C3orf70: variants seen among roughly 807,000 people sequenced by gnomAD.
C3orf70 encodes UPF0524 protein C3orf70.
A neutral mutation model predicts 20.7 loss-of-function variants in C3orf70; 15 were observed. That is an observed-to-expected ratio of 0.72 (90% CI 0.48 to 1.11). The LOEUF (loss-of-function observed/expected upper bound fraction) is 1.11, where lower values mean the gene tolerates loss of function less well. C3orf70 is among the 50% of genes most tolerant of loss of function. The probability of loss-of-function intolerance (pLI) is 0.00; values close to 1 mark genes in which losing one functional copy is unlikely to be tolerated. For synonymous variants in C3orf70, 161 were observed against 125.7 expected, an observed-to-expected ratio of 1.28 and a Z score of -1.88; for missense variants, 332 against 317.6, an observed-to-expected ratio of 1.05 and a Z score of -0.34.
At chr3:185,141,801 A>AAC (rs66562532) in intron 1 of C3orf70, among the ~76,000 whole-genome samples, 67,808 of 146,242 alleles carry the variant, frequency 0.46, 16,099 homozygotes, top group Non-Finnish European at 0.56. Flanking sequence ...ATGCAAAGGA[A>AAC]ACACACACAC....
chr3:185,084,118 G>A (rs1034882973), intron 1 of C3orf70, among the ~76,000 whole-genome samples: 2 of 152,104 alleles, frequency 1.3e-5, no homozygotes, highest in Non-Finnish European at 2.9e-5. Flanking sequence ...CAGAAGCGGA[G>A]GTTGCAGTGA....
intron 1 of C3orf70, among the ~76,000 whole-genome samples, chr3:185,130,519 G>C (rs1716504442): frequency 6.6e-6 from 1 of 152,112 alleles, no homozygotes; most frequent in South Asian, 2.1e-4. Context: ...AGTGGGTTTA[G>C]TATATTCACA....
intron 1 of C3orf70, among the ~76,000 whole-genome samples, chr3:185,109,450 C>A (rs541865036): frequency 6.6e-6 from 1 of 152,204 alleles, no homozygotes; most frequent in East Asian, 1.9e-4. Flanking sequence ...TCCCAAGGAC[C>A]CCCCGGTTGC....
chr3:185,127,393 T>C (rs1207922989), intron 1 of C3orf70, among the ~76,000 whole-genome samples: 1 of 152,200 alleles, frequency 6.6e-6, no homozygotes, highest in Non-Finnish European at 1.5e-5. Context: ...ATGGTATAGA[T>C]TAGCTTGAAG....
intron 1 of C3orf70, among the ~76,000 whole-genome samples, chr3:185,140,597 G>C (rs1168777471): frequency 6.6e-6 from 1 of 151,934 alleles, no homozygotes; most frequent in Non-Finnish European, 1.5e-5. Flanking sequence ...TGGGGCCTTT[G>C]GGAAGTAATA....
intron 1 of C3orf70, among the ~76,000 whole-genome samples, chr3:185,147,135 G>A (rs538550706): frequency 3.0e-4 from 45 of 152,250 alleles, no homozygotes; most frequent in Non-Finnish European, 5.1e-4. Context: ...TCTTTCTTTA[G>A]ATATGCTAAT....
At chr3:185,115,862 C>T (rs1337200601) in intron 1 of C3orf70, among the ~76,000 whole-genome samples, 2 of 152,190 alleles carry the variant, frequency 1.3e-5, no homozygotes, top group Admixed American at 6.5e-5. Context: ...TCCCTGGAGT[C>T]ACTTTCATAA....
rs1715347435 is a variant in C3orf70 at position 185,081,923 on chromosome 3, T to C, written c.*1084A>G. The C allele has an allele frequency of 6.5e-6, 1 of 152,676 alleles. No individual in the cohort carries two copies. The allele number at this position is 152,676 out of a possible 1,614,324, so 9.5% of individuals were successfully genotyped here. A position where few individuals can be genotyped will look rare whatever the true frequency, so the allele number is the denominator to read the frequency against. ...TTCATACAACCAAATGAAGCAGAATTAATCAAACCTATTAGATTCAGTCCT... is the reference window on the plus strand; with the variant it reads ...TTCATACAACCAAATGAAGCAGAATCAATCAAACCTATTAGATTCAGTCCT... On this transcript the variant is annotated 3_prime_UTR_variant, in exon 2 of 2. Coordinates refer to ENST00000335012, the MANE Select transcript of C3orf70 (RefSeq NM_001025266.3).
intron 1 of C3orf70, among the ~76,000 whole-genome samples, chr3:185,119,330 A>G (rs1716244188): frequency 6.6e-6 from 1 of 152,198 alleles, no homozygotes; most frequent in South Asian, 2.1e-4. Flanking sequence ...ATAGTTAATA[A>G]TAATATGTTA....
rs1008432854 is a variant in C3orf70 at position 185,082,630 on chromosome 3, CTG to C, written c.*375_*376del. ...ATGCCAAAGGGAATGGCAAGAGTCT[CTG>C]TGAAGGACTGGCTACCGAGAAAACA... is the stretch of plus-strand genomic sequence containing the variant. On this transcript the variant is annotated 3_prime_UTR_variant, in exon 2 of 2. Transcript: ENST00000335012. 71 of 224,856 alleles carry C rather than the reference CTG, an allele frequency of 3.2e-4. No individual in the cohort carries two copies. The highest frequency in any genetic ancestry group is 1.6e-3 in the African/African-American group (68 of 43,360). The allele number at this position is 224,856 out of a possible 1,614,324, so 13.9% of individuals were successfully genotyped here.
chr3:185,149,320 A>T (rs1240738642), intron 1 of C3orf70, among the ~76,000 whole-genome samples: 1 of 144,874 alleles, frequency 6.9e-6, no homozygotes, highest in Non-Finnish European at 1.5e-5. Flanking sequence ...TGAACCCGGG[A>T]GGTGGAGGTT....
chr3:185,125,014 G>C (rs1716378785), intron 1 of C3orf70, among the ~76,000 whole-genome samples: 1 of 152,098 alleles, frequency 6.6e-6, no homozygotes, highest in Non-Finnish European at 1.5e-5. Flanking sequence ...ATTGTCGAGT[G>C]CTGGCAAGGA....
At chr3:185,092,541 G>T (rs995966412) in intron 1 of C3orf70, among the ~76,000 whole-genome samples, 4 of 152,154 alleles carry the variant, frequency 2.6e-5, no homozygotes, top group Admixed American at 6.5e-5. Flanking sequence ...GGTTCATGGG[G>T]TAAAAACAGC....
Position 185,152,659 on chromosome 3 carries a change from C to T in C3orf70, c.165G>A (p.Leu55=). The T allele has an allele frequency of 1.3e-6, 2 of 1,589,694 alleles. No individual in the cohort carries two copies. The highest frequency in any genetic ancestry group is 2.4e-5 in the East Asian group (1 of 42,106). The stretch of plus-strand genomic sequence containing the variant: ...ACCATCCTAGGTGACAGCACCAGTG[C>T]AGCTTGAAGCACTTGCCATGGCTGT... ...ATHSHGKCFK[L]HWCCHLGWCH... is the part of the protein sequence containing the mutation. The change falls in exon 1 of 2, where the codon CTG becomes CTA. Residue 55 remains leucine, a synonymous_variant. Coordinates refer to ENST00000335012, the MANE Select transcript of C3orf70 (RefSeq NM_001025266.3).
chr3:185,129,512 A>G lies in C3orf70; in HGVS notation c.196+23116T>C, dbSNP rs149782929. Among the ~76,000 whole-genome samples the G allele has an allele frequency of 2.6e-5, 4 of 152,318 alleles. No homozygotes were observed. The East Asian group carries it at 7.7e-4, about 29-fold the overall frequency. ...CGTAGGTTGATTCTATGTCTTTGCT[A>G]TCGTGAATAGTGCTGTGGTGATCAC... On this transcript the variant is annotated intron_variant, in intron 1 of 1. Coordinates refer to ENST00000335012, the MANE Select transcript of C3orf70 (RefSeq NM_001025266.3).
chr3:185,133,173 C>T (rs1716556434), intron 1 of C3orf70, among the ~76,000 whole-genome samples: 2 of 152,184 alleles, frequency 1.3e-5, no homozygotes, highest in Non-Finnish European at 2.9e-5. Context: ...TGACAATACA[C>T]TCTGTTGGTG....
chr3:185,122,935 C>T (rs1716332688), intron 1 of C3orf70, among the ~76,000 whole-genome samples: 1 of 151,700 alleles, frequency 6.6e-6, no homozygotes, highest in Non-Finnish European at 1.5e-5. Context: ...GCAGGTGGAT[C>T]ACCTGAGGCC....
Position 185,148,755 on chromosome 3 carries a change from T to C in C3orf70, c.196+3873A>G, listed in dbSNP as rs181744086. Among the ~76,000 whole-genome samples, 123 of 152,354 alleles carry C rather than the reference T, an allele frequency of 8.1e-4. 1 individual carries two copies. The highest frequency in any genetic ancestry group is 2.3e-3 in the South Asian group (11 of 4,824). ...CTTAATAATCTATTTTTGACAGTGA[T>C]ACCAACAGAACATATGATGCTTTCC... On this transcript the variant is annotated intron_variant, in intron 1 of 1. Coordinates refer to ENST00000335012, the MANE Select transcript of C3orf70 (RefSeq NM_001025266.3).
chr3:185,091,321 A>G (rs1715565669), intron 1 of C3orf70, among the ~76,000 whole-genome samples: 1 of 152,124 alleles, frequency 6.6e-6, no homozygotes, highest in Non-Finnish European at 1.5e-5. Context: ...AGTCGATCAA[A>G]AGGGCAAAGG....
Sources: allele counts gnomAD v4.1 joint callset (sites outside exome capture counted in the v4.1 genomes callset), GRCh38; gene constraint gnomAD v4.1.1; transcripts MANE v1.5; gene names NCBI Gene and HGNC (gene_info 2026-07-23, HGNC 2026-07-21).